Variants in ERLIN2 observed in about 807,000 individuals in gnomAD.
ERLIN2 encodes the protein erlin-2.
A neutral mutation model predicts 41.5 loss-of-function variants in ERLIN2; 22 were observed. The ratio of observed to expected loss-of-function variants is 0.53; its 90% confidence interval spans 0.38 to 0.76. The LOEUF is 0.76. ERLIN2 is among the 30% of genes least tolerant of loss of function. The probability of loss-of-function intolerance (pLI) is 0.00; values close to 1 mark genes in which losing one functional copy is unlikely to be tolerated. For synonymous variants in ERLIN2, 149 were observed against 150.9 expected (o/e 0.99, Z 0.09); for missense variants, 247 against 414.3 (o/e 0.60, Z 3.51).
intron 2 of ERLIN2, 98 bp downstream of exon 2, chr8:37,738,127 A>G: frequency 6.9e-7 from 1 of 1,440,640 alleles, no homozygotes; most frequent in Non-Finnish European, 9.7e-7. Flanking sequence ...ATCTCTATTT[A>G]TATTTCCTTG....
At position 37,753,947 on chromosome 8, in the gene ERLIN2, G is replaced by A; in HGVS notation, c.852G>A (p.Met284Ile). ...TAACCCCTGAATATCTGCAGCTGAT[G>A]AAGTACAAGGCCATTGCTTCCAACA... ...LKLTPEYLQL[M>I]KYKAIASNSK... The change falls in exon 12 of 12, where the codon ATG becomes ATA. Residue 284 changes from methionine to isoleucine, a missense_variant. Transcript: ENST00000519638. 6.2e-7 allele frequency: 1 copy of A among 1,613,072 alleles called. No individual in the cohort carries two copies.
At chr8:37,748,094 G>A (rs1803119204) in intron 6 of ERLIN2, 3 of 931,242 alleles carry the variant, frequency 3.2e-6, no homozygotes, top group Non-Finnish European at 1.8e-6. Context: ...TTTTCCCTGC[G>A]GCTACCTTAG....
In ERLIN2 at chr8:37,741,606, G is replaced by A. The variant is rs1248688950; in HGVS notation, c.190-166G>A. Among the ~76,000 whole-genome samples, 1 of 152,192 alleles carries A rather than the reference G, an allele frequency of 6.6e-6. No individual in the cohort carries two copies. The highest frequency in any genetic ancestry group is 2.4e-5 in the African/African-American group (1 of 41,452). Reference sequence around the variant, plus strand: ...AGGCTGGGGCACGGGCCTTTACTTGGCTTAGCAACCCTGTGAGGAAGGAGG... The same window carrying A: ...AGGCTGGGGCACGGGCCTTTACTTGACTTAGCAACCCTGTGAGGAAGGAGG... On this transcript the variant is annotated intron_variant, in intron 3 of 11. Transcript: ENST00000519638. The surrounding 1 kb of genome is among the most constrained non-coding windows in gnomAD (Gnocchi z 4.8).
chr8:37,740,412 T>C lies in ERLIN2; in HGVS notation c.155T>C (p.Met52Thr), dbSNP rs777043766. Residue 52 changes from methionine to threonine, a missense_variant, in exon 3 of 12, where the codon ATG becomes ACG. Physicochemically the swap from Met to Thr is moderately conservative, Grantham distance 81. Coordinates refer to ENST00000519638, the MANE Select transcript of ERLIN2 (RefSeq NM_007175.8). ...TSTSGPGFHL[M>T]LPFITSYKSV... is the part of the protein sequence containing the mutation. ...ACCAGCGGCCCTGGTTTCCATCTCA[T>C]GCTCCCTTTCATCACATCATATAAG... The C allele has an allele frequency of 3.1e-6, 5 of 1,613,174 alleles. No individual in the cohort carries two copies. The South Asian group carries it at 5.5e-5, about 18-fold the overall frequency.
In ERLIN2 at chr8:37,741,592, C is replaced by T. The variant is rs79706020; in HGVS notation, c.190-180C>T. ...GTTCACTTATAGTGAGGCTGGGGCA[C>T]GGGCCTTTACTTGGCTTAGCAACCC... is the stretch of plus-strand genomic sequence containing the variant. On this transcript the variant is annotated intron_variant, in intron 3 of 11. Transcript: ENST00000519638. The surrounding 1 kb of genome is among the most constrained non-coding windows in gnomAD (Gnocchi z 4.8). 2.0e-5 allele frequency among the ~76,000 whole-genome samples: 3 copies of T among 152,082 alleles called. No homozygotes were observed. The highest frequency in any genetic ancestry group is 7.2e-5 in the African/African-American group (3 of 41,384).
At position 37,750,478 on chromosome 8, in the gene ERLIN2, C is replaced by T. The variant is rs1185528986; in HGVS notation, c.641C>T (p.Ala214Val). Reference sequence around the variant, plus strand: ...GAAGCAGAGACAGAGCGGAAGAAGGCGCTCATTGGTCTGAATGTGGTTCTG... The same window carrying T: ...GAAGCAGAGACAGAGCGGAAGAAGGTGCTCATTGGTCTGAATGTGGTTCTG... ...EKEAETERKK[A>V]LIEAEKVAQV... The change falls in exon 9 of 12, where the codon GCG (alanine) becomes GTG (valine). Residue 214 changes from alanine (A) to valine (V), a missense_variant. Around this residue, in one of 3 missense-constraint regions of ERLIN2, gnomAD observed 153 missense variants for 256.4 expected, o/e 0.60. Transcript: ENST00000519638. 4.3e-6 allele frequency: 7 copies of T among 1,612,306 alleles called. No homozygotes were observed. Among genetic ancestry groups the T allele is most frequent in the African/African-American group, 1.3e-5 (1 of 74,890 alleles).
At position 37,741,839 on chromosome 8, in the gene ERLIN2, CT is replaced by C. The variant is rs754884480; in HGVS notation, c.236+25del. The C allele has an allele frequency of 4.0e-5, 64 of 1,595,770 alleles. No homozygotes were observed. In the African/African-American group the frequency reaches 7.0e-4, roughly 17 times the overall value. ...ACTAGGTAAGGTACCCAGAATAAAG[CT>C]TTTAAGCCCAAATAAGTCAGAGAAA... On this transcript the variant is annotated intron_variant, in intron 4 of 11. Coordinates refer to ENST00000519638, the MANE Select transcript of ERLIN2 (RefSeq NM_007175.8). This position sits in a 1 kb window ranked among gnomAD's most constrained non-coding sequence, Gnocchi z 4.8.
intron 6 of ERLIN2, chr8:37,745,658 C>T (rs1166971586): frequency 1.9e-6 from 3 of 1,613,454 alleles, no homozygotes; most frequent in South Asian, 1.1e-5. Context: ...TCATCCACAT[C>T]GCCAGCAATC....
intron 6 of ERLIN2, chr8:37,745,309 C>T: frequency 1.9e-6 from 1 of 533,544 alleles, no homozygotes; most frequent in Non-Finnish European, 3.3e-6. Flanking sequence ...TATTTTTTTA[C>T]TCTGTACCTG....
rs780065091 is a variant in ERLIN2, at chr8:37,754,021, C to T, written c.926C>T (p.Ala309Val). The T allele has an allele frequency of 1.5e-5, 25 of 1,613,610 alleles. No individual in the cohort carries two copies. Among genetic ancestry groups the T allele is most frequent in the Admixed American group, 3.3e-5 (2 of 59,970 alleles). ...KDIPNMFMDSAGSVSKQFEGL... is the reference protein window; with the variant it reads ...KDIPNMFMDSVGSVSKQFEGL... ...ATTCCTAACATGTTCATGGACTCTG[C>T]GGGCAGTGTGAGCAAGCAGTTTGAG... Residue 309 changes from alanine to valine, a missense_variant, in exon 12 of 12, where the codon GCG becomes GTG. Around this residue, in one of 3 missense-constraint regions of ERLIN2, gnomAD observed 153 missense variants for 256.4 expected, o/e 0.60. Coordinates refer to ENST00000519638, the MANE Select transcript of ERLIN2 (RefSeq NM_007175.8).
At chr8:37,751,459 G>GGA (rs1238822332) in intron 9 of ERLIN2, among the ~76,000 whole-genome samples, 167 bp from the exon 10 acceptor site, 3 of 152,192 alleles carry the variant, frequency 2.0e-5, no homozygotes, top group Non-Finnish European at 4.4e-5. Flanking sequence ...TGATGGAAGG[G>GGA]GACTGTGCTC....
intron 1 of ERLIN2, chr8:37,737,335 A>G (rs373636220): frequency 9.8e-4 from 180 of 182,860 alleles, no homozygotes; most frequent in African/African-American, 3.9e-3. Context: ...GTTTAGGGCC[A>G]AAGGAATAAC....
intron 1 of ERLIN2, chr8:37,736,962 G>A: frequency 1.0e-6 from 1 of 985,982 alleles, no homozygotes; most frequent in Non-Finnish European, 1.2e-6. Flanking sequence ...GAAGGGCACT[G>A]GCAGGAAAGG....
Position 37,736,655 on chromosome 8 carries a change from C to T in ERLIN2, c.-39C>T. ...TCTTGCTCGTGGGCTCGGACGAGTA[C>T]GGAGCGCCTGCAGGGACAGCCTGGT... On this transcript the variant is annotated 5_prime_UTR_variant, in exon 1 of 12. It adds an upstream start codon to the 5' untranslated region. Coordinates refer to ENST00000519638, the MANE Select transcript of ERLIN2 (RefSeq NM_007175.8). 3 of 985,706 alleles carry T rather than the reference C, an allele frequency of 3.0e-6. No homozygotes were observed. The highest frequency in any genetic ancestry group is 3.6e-6 in the Non-Finnish European group (3 of 830,084). The allele number at this position is 985,706 out of a possible 1,614,324, so 61.1% of individuals were successfully genotyped here.
Position 37,756,421 on chromosome 8 carries a change from T to C in ERLIN2, c.*2306T>C, listed in dbSNP as rs1475637818. On this transcript the variant is annotated 3_prime_UTR_variant, in exon 12 of 12. Coordinates refer to ENST00000519638, the MANE Select transcript of ERLIN2 (RefSeq NM_007175.8). ...GCAGGGATAGCTCAGCTTCTCTGAA[T>C]AGCACACTTTGCTCAGGTCTTAACT... 1.3e-5 allele frequency: 2 copies of C among 152,506 alleles called. No individual in the cohort carries two copies. The highest frequency in any genetic ancestry group is 2.9e-5 in the Non-Finnish European group (2 of 68,050). The allele number at this position is 152,506 out of a possible 1,614,324, so 9.4% of individuals were successfully genotyped here. A position where few individuals can be genotyped will look rare whatever the true frequency, so the allele number is the denominator to read the frequency against.
intron 3 of ERLIN2, among the ~76,000 whole-genome samples, chr8:37,740,992 A>T (rs1176855430): frequency 6.6e-6 from 1 of 152,226 alleles, no homozygotes; most frequent in Non-Finnish European, 1.5e-5. Context: ...ATGTCTTGGG[A>T]TACCTGCTAG....
intron 9 of ERLIN2, 46 bp downstream of exon 9, chr8:37,750,532 G>A (rs778842444): frequency 1.3e-6 from 2 of 1,523,300 alleles, no homozygotes; most frequent in South Asian, 1.1e-5. Flanking sequence ...AGAAAGGCTG[G>A]GGGTGGTGGG....
intron 6 of ERLIN2, chr8:37,745,357 C>A (rs1385612932): frequency 1.2e-5 from 7 of 587,366 alleles, no homozygotes; most frequent in Middle Eastern, 4.4e-4. Context: ...CAAAAAGATT[C>A]CACGTGCCTA....
At position 37,741,576 on chromosome 8, in the gene ERLIN2, T is replaced by C. The variant is rs1386419968; in HGVS notation, c.190-196T>C. On this transcript the variant is annotated intron_variant, in intron 3 of 11. Transcript: ENST00000519638. The surrounding 1 kb of genome is among the most constrained non-coding windows in gnomAD (Gnocchi z 4.8). ...GCTTGTTGATGTGGTGGTTCACTTA[T>C]AGTGAGGCTGGGGCACGGGCCTTTA... 4.6e-5 allele frequency among the ~76,000 whole-genome samples: 7 copies of C among 152,206 alleles called. No individual in the cohort carries two copies. The highest frequency in any genetic ancestry group is 2.6e-4 in the Admixed American group (4 of 15,282).
Sources: gnomAD v4.1 joint callset for allele counts (sites outside exome capture counted in the v4.1 genomes callset) on GRCh38, gnomAD v4.1.1 for gene constraint, gnomAD v4.1.1 regional missense constraint, Gnocchi (gnomAD v3.1) non-coding constraint, MANE v1.5 for transcripts, NCBI Gene and HGNC (gene_info 2026-07-23, HGNC 2026-07-21) for gene names.